Variants in REEP3 observed in about 807,000 individuals in gnomAD.
REEP3 encodes the protein receptor expression-enhancing protein 3.
A neutral mutation model predicts 41.3 loss-of-function variants in REEP3; 20 were observed. That is an observed-to-expected ratio of 0.48 (90% CI 0.34 to 0.70). REEP3 has a LOEUF of 0.70. REEP3 is among the 30% of genes least tolerant of loss of function. The pLI is 0.01. For synonymous variants in REEP3, 104 were observed against 101.8 expected, an observed-to-expected ratio of 1.02 and a Z score of -0.13; for missense variants, 271 against 308.8, an observed-to-expected ratio of 0.88 and a Z score of 0.92.
chr10:63,595,991 AG>A (rs1228950413), intron 3 of REEP3, among the ~76,000 whole-genome samples: 1 of 152,182 alleles, frequency 6.6e-6, no homozygotes, highest in Non-Finnish European at 1.5e-5. Context: ...GCTCCTGGTC[AG>A]TGTCTACTTA....
rs775266362 is a variant in REEP3, at chr10:63,610,232, G to C, written c.463G>C (p.Asp155His). Residue 155 changes from aspartate to histidine, a missense_variant, in exon 6 of 8, where the codon GAT becomes CAT. Asp to His is a moderately conservative substitution (Grantham distance 81). Transcript: ENST00000373758. ...TERLRSFSMH[D>H]LTTIQGDEPV... ...ACGTTTAAGAAGCTTCAGTATGCAT[G>C]ATTTAACAACTATCCAAGGTGATGA... is the stretch of plus-strand genomic sequence containing the variant. 2.8e-5 allele frequency: 45 copies of C among 1,607,132 alleles called. No individual in the cohort carries two copies. The highest frequency in any genetic ancestry group is 3.8e-5 in the Non-Finnish European group (45 of 1,176,452).
intron 1 of REEP3, among the ~76,000 whole-genome samples, chr10:63,528,391 G>T (rs1020725906): frequency 3.3e-5 from 5 of 152,042 alleles, no homozygotes; most frequent in Non-Finnish European, 7.4e-5. Flanking sequence ...CATTGAATCC[G>T]CAAATCTTGT....
At chr10:63,534,608 A>T (rs1055394713) in intron 1 of REEP3, among the ~76,000 whole-genome samples, 1 of 152,232 alleles carries the variant, frequency 6.6e-6, no homozygotes, top group Admixed American at 6.5e-5. Flanking sequence ...TTGGTTTCCT[A>T]TAAGTTTAAG....
chr10:63,533,725 T>TTTTTTTTTTTTTTTTTTTTTTTTTTGAAG (rs1589857082), intron 1 of REEP3, among the ~76,000 whole-genome samples: 1 of 143,684 alleles, frequency 7.0e-6, no homozygotes. Context: ...TTTTTTTTTT[T>TTTTTTTTTTTTTTTTTTTTTTTTTTGAAG]GAGACGGAGT....
chr10:63,562,478 A>G (rs534770378), intron 1 of REEP3: 36 of 442,798 alleles, frequency 8.1e-5, no homozygotes, highest in Non-Finnish European at 1.4e-4. Flanking sequence ...GCTGGTCTCG[A>G]ACTCCTGACC....
intron 1 of REEP3, among the ~76,000 whole-genome samples, 187 bp from the exon 2 acceptor site, chr10:63,566,151 T>C (rs993524448): frequency 6.6e-6 from 1 of 152,218 alleles, no homozygotes; most frequent in African/African-American, 2.4e-5. Context: ...CCCAAAGTGC[T>C]GGGATTACAG....
At chr10:63,586,824 AC>A (rs1367403397) in intron 2 of REEP3, among the ~76,000 whole-genome samples, 1 of 152,098 alleles carries the variant, frequency 6.6e-6, no homozygotes, top group Non-Finnish European at 1.5e-5. Context: ...GAGCCACGAC[AC>A]CCGGCTTATT....
chr10:63,540,783 A>G (rs939271759), intron 1 of REEP3, among the ~76,000 whole-genome samples: 3 of 152,016 alleles, frequency 2.0e-5, no homozygotes, highest in African/African-American at 7.2e-5. Flanking sequence ...ACAAGGTCTC[A>G]CTCTGTCTCC....
chr10:63,583,079 G>A (rs1449401389), intron 2 of REEP3, among the ~76,000 whole-genome samples: 2 of 151,630 alleles, frequency 1.3e-5, no homozygotes, highest in South Asian at 2.1e-4. Flanking sequence ...TCCGCCTCCC[G>A]GGTTCACGCC....
intron 1 of REEP3, among the ~76,000 whole-genome samples, chr10:63,533,847 A>G (rs1198353116): frequency 2.0e-5 from 3 of 151,470 alleles, no homozygotes; most frequent in African/African-American, 7.3e-5. Context: ...AGATGGGGTT[A>G]CAGGCGCCCA....
At chr10:63,607,897 C>G (rs917596064) in intron 5 of REEP3, among the ~76,000 whole-genome samples, 2 of 152,160 alleles carry the variant, frequency 1.3e-5, no homozygotes, top group African/African-American at 4.8e-5. Context: ...TAGACTGATT[C>G]CATTGTACTT....
intron 5 of REEP3, chr10:63,605,973 C>A: frequency 4.4e-6 from 1 of 227,562 alleles, no homozygotes; most frequent in Non-Finnish European, 7.3e-6. Context: ...GAATTTAGTG[C>A]CAGCTGAAGT....
intron 1 of REEP3, among the ~76,000 whole-genome samples, chr10:63,546,235 C>T (rs1302343467): frequency 1.3e-5 from 2 of 152,068 alleles, no homozygotes; most frequent in South Asian, 2.1e-4. Context: ...CAGCCTGTAT[C>T]GAAGCAAAGA....
At chr10:63,599,908 G>C (rs1433586051) in intron 5 of REEP3, among the ~76,000 whole-genome samples, 1 of 152,152 alleles carries the variant, frequency 6.6e-6, no homozygotes, top group African/African-American at 2.4e-5. Flanking sequence ...TAGCATAATT[G>C]ATTTTGGTGT....
intron 3 of REEP3, among the ~76,000 whole-genome samples, chr10:63,596,941 A>G (rs989879099): frequency 6.6e-6 from 1 of 152,190 alleles, no homozygotes; most frequent in Non-Finnish European, 1.5e-5. Context: ...CTCACCTGGC[A>G]CCTTAAACCA....
chr10:63,524,869 G>A (rs1377226176), intron 1 of REEP3, among the ~76,000 whole-genome samples: 5 of 152,054 alleles, frequency 3.3e-5, no homozygotes, highest in South Asian at 2.1e-4. Flanking sequence ...AAAATTAGCC[G>A]GGCGTGATGG....
chr10:63,619,603 C>A, intron 6 of REEP3, 52 bp from the exon 7 acceptor site: 1 of 1,528,410 alleles, frequency 6.5e-7, no homozygotes. Context: ...AAAGAGCCGG[C>A]GCTGACTGGT....
intron 2 of REEP3, among the ~76,000 whole-genome samples, chr10:63,588,651 T>G (rs1318782685): frequency 1.3e-5 from 2 of 152,176 alleles, no homozygotes; most frequent in South Asian, 4.1e-4. Flanking sequence ...AAAATAAAAG[T>G]CTTTGTCATC....
At chr10:63,545,680 GTTTTTTTTTT>G (rs55779021) in intron 1 of REEP3, among the ~76,000 whole-genome samples, 5 of 55,412 alleles carry the variant, frequency 9.0e-5, no homozygotes, top group Non-Finnish European at 1.6e-4. Context: ...GCCAACTTCT[GTTTTTTTTTT>G]TTTTTTTTTT....
Sources: allele counts gnomAD v4.1 joint callset (sites outside exome capture counted in the v4.1 genomes callset), GRCh38; gene constraint gnomAD v4.1.1; transcripts MANE v1.5; gene names NCBI Gene and HGNC (gene_info 2026-07-23, HGNC 2026-07-21).